PPP2R2B: variants seen among roughly 807,000 people sequenced by gnomAD.
The protein encoded by PPP2R2B is serine/threonine-protein phosphatase 2A 55 kDa regulatory subunit B beta isoform.
In PPP2R2B, 5 loss-of-function variants were observed where a neutral mutation model predicts 46.0. The observed-to-expected ratio is 0.11, with a 90% CI of 0.06 to 0.23. The LOEUF (loss-of-function observed/expected upper bound fraction) is 0.23. Ranked by LOEUF, PPP2R2B falls within the 10% of genes least tolerant of loss-of-function variation. The probability of loss-of-function intolerance (pLI) is 1.00; values close to 1 mark genes in which losing one functional copy is unlikely to be tolerated. For missense variants in PPP2R2B, 367 were observed against 575.0 expected (o/e 0.64, Z 3.70); for synonymous variants, 215 against 206.7 (o/e 1.04, Z -0.34).
intron 1 of PPP2R2B, among the ~76,000 whole-genome samples, chr5:146,962,141 G>A (rs1470827766): frequency 6.9e-6 from 1 of 145,552 alleles, no homozygotes; most frequent in Admixed American, 7.0e-5. Flanking sequence ...CATGGCTGGG[G>A]CTCTTCTTTC....
intron 5 of PPP2R2B, among the ~76,000 whole-genome samples, chr5:146,675,272 T>G (rs1777637864): frequency 6.6e-6 from 1 of 152,180 alleles, no homozygotes; most frequent in Admixed American, 6.5e-5. Context: ...TACTTGGTAT[T>G]TTATACAACA....
intron 8 of PPP2R2B, among the ~76,000 whole-genome samples, chr5:146,594,426 C>T (rs1262565914): frequency 6.6e-6 from 1 of 152,142 alleles, no homozygotes; most frequent in East Asian, 1.9e-4. Context: ...GAATAAGGTT[C>T]AGAGAGTAGT....
chr5:146,905,626 G>C (rs894697376), intron 1 of PPP2R2B, among the ~76,000 whole-genome samples: 9 of 152,050 alleles, frequency 5.9e-5, no homozygotes, highest in Non-Finnish European at 2.9e-5. Context: ...CTAGTGAATG[G>C]TATAGTACAT....
intron 5 of PPP2R2B, among the ~76,000 whole-genome samples, chr5:146,687,469 T>C (rs960240263): frequency 1.3e-5 from 2 of 152,090 alleles, no homozygotes; most frequent in Admixed American, 6.6e-5. Context: ...TGGTGCATGG[T>C]ATATGGCAAA....
rs201476258 is a variant in PPP2R2B, at chr5:146,981,062, A to AT, written c.79+74602dup. On this transcript the variant is annotated intron_variant, in intron 1 of 8. Coordinates refer to the PPP2R2B transcript ENST00000336640. The stretch of plus-strand genomic sequence containing the variant: ...ATTTAAAATACTGTATTTCTTACTC[A>AT]TTTTTTTTTGTTTGTTTATTGTATG... Among the ~76,000 whole-genome samples the AT allele has an allele frequency of 4.8e-3, 732 of 151,154 alleles. 4 individuals carry two copies. The highest frequency in any genetic ancestry group is 0.016 in the African/African-American group (667 of 41,240).
At position 146,987,001 on chromosome 5, in the gene PPP2R2B, G is replaced by A. The variant is rs143745866; in HGVS notation, c.79+68664C>T. 2.8e-3 allele frequency among the ~76,000 whole-genome samples: 423 copies of A among 152,202 alleles called. 1 individual carries two copies. The highest frequency in any genetic ancestry group is 5.3e-3 in the Admixed American group (81 of 15,278). On this transcript the variant is annotated intron_variant, in intron 1 of 8. Transcript: ENST00000336640. ...CAAAAACAAAGGGAGGATCCTGAAA[G>A]CAGCAAGAGAAAAGAAGAAAACAAC...
At chr5:146,865,049 T>A (rs993982282) in intron 2 of PPP2R2B, among the ~76,000 whole-genome samples, 1 of 152,180 alleles carries the variant, frequency 6.6e-6, no homozygotes, top group South Asian at 2.1e-4. Flanking sequence ...ACCAAAGACA[T>A]GATTTAGAGT....
At position 146,986,648 on chromosome 5, in the gene PPP2R2B, G is replaced by A. The variant is rs148083985; in HGVS notation, c.79+69017C>T. Among the ~76,000 whole-genome samples the A allele has an allele frequency of 4.9e-3, 752 of 152,234 alleles. 7 individuals carry two copies. Among genetic ancestry groups the A allele is most frequent in the African/African-American group, 0.015 (616 of 41,544 alleles). On this transcript the variant is annotated intron_variant, in intron 1 of 8. Transcript: ENST00000336640. ...AGTACAGTAGAGGGTCTCAATAGCA[G>A]AACTGATTAAGCAGAAGAAATAATC...
chr5:146,797,936 A>C (rs1373045359), intron 2 of PPP2R2B, among the ~76,000 whole-genome samples: 1 of 152,196 alleles, frequency 6.6e-6, no homozygotes, highest in East Asian at 1.9e-4. Context: ...AGTGCCATGA[A>C]TACGGCAGAA....
At chr5:146,965,715 G>A (rs866505216) in intron 1 of PPP2R2B, among the ~76,000 whole-genome samples, 1 of 152,158 alleles carries the variant, frequency 6.6e-6, no homozygotes. Flanking sequence ...CAAATATAAT[G>A]CCCTAATATC....
At chr5:146,727,695 TAAAC>T (rs1751962002) in intron 2 of PPP2R2B, among the ~76,000 whole-genome samples, 1 of 152,062 alleles carries the variant, frequency 6.6e-6, no homozygotes, top group Non-Finnish European at 1.5e-5. Context: ...TTATAAAAAA[TAAAC>T]AAAATACCCA....
upstream of PPP2R2B, among the ~76,000 whole-genome samples, chr5:146,879,802 A>G (rs755307074): frequency 6.6e-6 from 1 of 152,154 alleles, no homozygotes; most frequent in African/African-American, 2.4e-5. Context: ...ATCAACCCCA[A>G]TCAGTAGAAA....
chr5:146,884,889 C>A (rs529732545), intron 1 of PPP2R2B, among the ~76,000 whole-genome samples: 1 of 152,118 alleles, frequency 6.6e-6, no homozygotes, highest in South Asian at 2.1e-4. Context: ...GTCTTTCAAA[C>A]CTTTAAAAAA....
At position 146,971,173 on chromosome 5, in the gene PPP2R2B, G is replaced by A. The variant is rs188409626; in HGVS notation, c.79+84492C>T. ...TCATTGATAGCATCATAGATTTGGTGAAATGTGGTAGGACATATGTTCATA... is the reference window on the plus strand; with the variant it reads ...TCATTGATAGCATCATAGATTTGGTAAAATGTGGTAGGACATATGTTCATA... On this transcript the variant is annotated intron_variant, in intron 1 of 8. Coordinates refer to the PPP2R2B transcript ENST00000336640. Among the ~76,000 whole-genome samples, 268 of 152,282 alleles carry A rather than the reference G, an allele frequency of 1.8e-3. 3 individuals carry two copies. The highest frequency in any genetic ancestry group is 5.9e-3 in the African/African-American group (244 of 41,550).
chr5:147,070,862 T>A (rs1428969123), intron 2 of PPP2R2B, among the ~76,000 whole-genome samples: 1 of 152,176 alleles, frequency 6.6e-6, no homozygotes, highest in African/African-American at 2.4e-5. Context: ...TAAAGCTAGT[T>A]AGGCTAATCC....
intron 2 of PPP2R2B, among the ~76,000 whole-genome samples, chr5:146,773,572 A>G (rs1312247280): frequency 6.6e-6 from 1 of 152,230 alleles, no homozygotes; most frequent in Non-Finnish European, 1.5e-5. Flanking sequence ...AAAAATAAAC[A>G]TTGTCTGACA....
chr5:146,591,791 T>A (rs1452776147), intron 9 of PPP2R2B, among the ~76,000 whole-genome samples: 1 of 152,082 alleles, frequency 6.6e-6, no homozygotes, highest in Non-Finnish European at 1.5e-5. Context: ...GTTACTTTTG[T>A]CTCTACTACT....
At chr5:146,769,601 T>C (rs1754714182) in intron 2 of PPP2R2B, among the ~76,000 whole-genome samples, 1 of 152,170 alleles carries the variant, frequency 6.6e-6, no homozygotes, top group Non-Finnish European at 1.5e-5. Context: ...ACGGAACATA[T>C]CTTGGAAAAT....
At chr5:146,640,038 A>G (rs1775093041) in intron 6 of PPP2R2B, among the ~76,000 whole-genome samples, 1 of 152,218 alleles carries the variant, frequency 6.6e-6, no homozygotes, top group African/African-American at 2.4e-5. Context: ...TAGAGTTTAG[A>G]TGCGGTACAA....
Sources: allele counts gnomAD v4.1 joint callset (sites outside exome capture counted in the v4.1 genomes callset), GRCh38; gene constraint gnomAD v4.1.1; transcripts MANE v1.5; gene names NCBI Gene and HGNC (gene_info 2026-07-23, HGNC 2026-07-21).